Variants in THUMPD2 observed in about 807,000 individuals in gnomAD.
THUMPD2 encodes the protein THUMP domain 2 tRNA and snRNA guanosine methyltransferase.
In THUMPD2, 56 loss-of-function variants were observed where a neutral mutation model predicts 49.4. The observed-to-expected ratio is 1.13, with a 90% CI of 0.91 to 1.41. The LOEUF (loss-of-function observed/expected upper bound fraction) is 1.41. THUMPD2 is among the 40% of genes most tolerant of loss of function. THUMPD2 has a pLI of 0.00. For synonymous variants in THUMPD2, 237 were observed against 205.2 expected (o/e 1.15, Z -1.32); for missense variants, 709 against 594.5 (o/e 1.19, Z -2.00).
chr2:39,751,772 C>A (rs974824380), intron 8 of THUMPD2, among the ~76,000 whole-genome samples: 1 of 149,270 alleles, frequency 6.7e-6, no homozygotes, highest in African/African-American at 2.5e-5. Flanking sequence ...GCAACCTTCA[C>A]CTCTTAGGTT....
At chr2:39,760,897 C>G (rs947312927) in intron 6 of THUMPD2, among the ~76,000 whole-genome samples, 17 of 152,100 alleles carry the variant, frequency 1.1e-4, no homozygotes, top group African/African-American at 4.1e-4. Flanking sequence ...TCAAAAACTT[C>G]TTTCAAAATG....
rs1558477406 is a variant in THUMPD2 at position 39,736,619 on chromosome 2, TG to T, written c.*115del. On this transcript the variant is annotated 3_prime_UTR_variant, in exon 10 of 10. Coordinates refer to ENST00000505747, the MANE Select transcript of THUMPD2 (RefSeq NM_025264.5). The stretch of plus-strand genomic sequence containing the variant: ...ACCCATCAGCCACACCTCCTGTCTT[TG>T]GGGGAATTTGGTTACTTGGAGCTCT... 1.2e-6 allele frequency: 1 copy of T among 866,280 alleles called. No individual in the cohort carries two copies. Among genetic ancestry groups the T allele is most frequent in the African/African-American group, 1.7e-5 (1 of 58,778 alleles). The allele number at this position is 866,280 out of a possible 1,614,324, so 53.7% of individuals were successfully genotyped here.
rs114510413 is a variant in THUMPD2 at position 39,778,037 on chromosome 2, T to A, written c.126+1077A>T. Among the ~76,000 whole-genome samples the A allele has an allele frequency of 3.4e-3, 520 of 152,296 alleles. 6 individuals are homozygous for A. Among genetic ancestry groups the A allele is most frequent in the African/African-American group, 0.012 (493 of 41,560 alleles). On this transcript the variant is annotated intron_variant, in intron 1 of 9. Transcript: ENST00000505747. ...TCATTCTTGATTTCCCAGCTCGGGT[T>A]TGAATCCCATCTTTGCGATTTTCTA...
In THUMPD2 at chr2:39,766,053, C is replaced by T. The variant is rs1035614552; in HGVS notation, c.803+4G>A. The stretch of plus-strand genomic sequence containing the variant: ...GGGACAAACCGGAAGCTTAGAATAT[C>T]TACCTGAACACAGGAATCCCCACCA... On this transcript the variant is annotated splice_donor_region_variant and intron_variant, in intron 5 of 9. Coordinates refer to ENST00000505747, the MANE Select transcript of THUMPD2 (RefSeq NM_025264.5). The T allele has an allele frequency of 7.0e-6, 11 of 1,577,298 alleles. No homozygotes were observed. The Admixed American group carries it at 1.2e-4, about 17-fold the overall frequency.
At chr2:39,742,506 T>G (rs1363675569) in intron 9 of THUMPD2, among the ~76,000 whole-genome samples, 4 of 152,230 alleles carry the variant, frequency 2.6e-5, no homozygotes, top group African/African-American at 7.2e-5. Flanking sequence ...AACTGTCTAC[T>G]CATAATACTG....
chr2:39,775,347 A>C (rs982334652), intron 1 of THUMPD2, among the ~76,000 whole-genome samples: 5 of 152,196 alleles, frequency 3.3e-5, no homozygotes, highest in Admixed American at 6.5e-5. Flanking sequence ...AAGGTCTCCT[A>C]ATTCTACAGA....
intron 3 of THUMPD2, chr2:39,768,978 G>A (rs1462033550): frequency 7.7e-7 from 1 of 1,304,476 alleles, no homozygotes; most frequent in South Asian, 1.2e-5. Flanking sequence ...CTTTGTAAGG[G>A]CCAACTGATG....
intron 8 of THUMPD2, among the ~76,000 whole-genome samples, chr2:39,745,020 T>C (rs1558492182): frequency 6.6e-6 from 1 of 152,148 alleles, no homozygotes; most frequent in Non-Finnish European, 1.5e-5. Context: ...AATTATTGTG[T>C]CTGATTAATT....
intron 9 of THUMPD2, among the ~76,000 whole-genome samples, chr2:39,740,996 G>C (rs2148169107): frequency 6.6e-6 from 1 of 152,236 alleles, no homozygotes; most frequent in Non-Finnish European, 1.5e-5. Context: ...ACAGGTATGA[G>C]CTACTGTGCC....
chr2:39,759,701 C>T (rs1470941313), intron 6 of THUMPD2, among the ~76,000 whole-genome samples: 2 of 152,172 alleles, frequency 1.3e-5, no homozygotes, highest in African/African-American at 4.8e-5. Context: ...AAAAATCCCA[C>T]TGGCATGGTC....
chr2:39,756,472 C>T (rs1489608925), intron 6 of THUMPD2, among the ~76,000 whole-genome samples: 1 of 102,066 alleles, frequency 9.8e-6, no homozygotes, highest in African/African-American at 3.3e-5. Flanking sequence ...GACTCCATCT[C>T]AAAAAAAAAA....
chr2:39,766,346 G>C (rs1392082385), intron 4 of THUMPD2: 2 of 306,248 alleles, frequency 6.5e-6, no homozygotes, highest in East Asian at 6.1e-5. Context: ...ATATAGGAGA[G>C]TCATGTTACA....
rs534172473 is a variant in THUMPD2 at position 39,747,747 on chromosome 2, T to C, written c.1079-3269A>G. Among the ~76,000 whole-genome samples, 7 of 152,300 alleles carry C rather than the reference T, an allele frequency of 4.6e-5. No individual in the cohort carries two copies. The South Asian group carries it at 1.5e-3, about 32-fold the overall frequency. On this transcript the variant is annotated intron_variant, in intron 8 of 9. Transcript: ENST00000505747. The stretch of plus-strand genomic sequence containing the variant: ...GAAATATACTTTCAGTTCTATTTTT[T>C]CATATGGAAAGGGTAAATATTTCAG...
At chr2:39,756,774 G>A (rs926310788) in intron 6 of THUMPD2, among the ~76,000 whole-genome samples, 2 of 152,094 alleles carry the variant, frequency 1.3e-5, no homozygotes, top group East Asian at 1.9e-4. Flanking sequence ...TCTGTGGTGC[G>A]GAGGCAAGCA....
At chr2:39,746,536 A>G (rs540744619) in intron 8 of THUMPD2, among the ~76,000 whole-genome samples, 87 of 152,312 alleles carry the variant, frequency 5.7e-4, no homozygotes, top group African/African-American at 1.9e-3. Context: ...TGAACAAAAA[A>G]TTTGCTTGTA....
intron 9 of THUMPD2, among the ~76,000 whole-genome samples, chr2:39,737,829 G>C (rs561584871): frequency 6.6e-6 from 1 of 152,254 alleles, no homozygotes; most frequent in African/African-American, 2.4e-5. Context: ...GCTGGAAGCA[G>C]AAAAAGCAGC....
At chr2:39,767,721 G>C (rs1184840213) in intron 4 of THUMPD2, among the ~76,000 whole-genome samples, 1 of 151,640 alleles carries the variant, frequency 6.6e-6, no homozygotes, top group African/African-American at 2.4e-5. Context: ...TATATACCAG[G>C]TATTATTTTT....
intron 1 of THUMPD2, 149 bp downstream of exon 1, chr2:39,778,965 G>T (rs1356412058): frequency 1.9e-6 from 2 of 1,042,454 alleles, no homozygotes; most frequent in Non-Finnish European, 2.6e-6. Flanking sequence ...CGGAGCGGAA[G>T]CGCCTGCCAG....
chr2:39,758,385 C>G (rs1006960404), intron 6 of THUMPD2, among the ~76,000 whole-genome samples: 2 of 152,156 alleles, frequency 1.3e-5, no homozygotes, highest in African/African-American at 4.8e-5. Context: ...TTCTGCTGAG[C>G]CAAGTGATGC....
Sources: gnomAD v4.1 joint callset for allele counts (sites outside exome capture counted in the v4.1 genomes callset) on GRCh38, gnomAD v4.1.1 for gene constraint, MANE v1.5 for transcripts, NCBI Gene and HGNC (gene_info 2026-07-23, HGNC 2026-07-21) for gene names.